Variants in NRXN1 observed in about 807,000 individuals in gnomAD.
NRXN1 encodes neurexin 1, also known as neurexin-1.
A neutral mutation model predicts 150.9 loss-of-function variants in NRXN1; 39 were observed. The ratio of observed to expected loss-of-function variants is 0.26; its 90% confidence interval spans 0.20 to 0.34. The LOEUF is 0.34. Among genes scored for constraint, NRXN1 ranks in the 10% least tolerant of loss-of-function variants. The pLI is 1.00. For synonymous variants in NRXN1, 924 were observed against 757.0 expected (o/e 1.22, Z -3.62); for missense variants, 1,815 against 1,949.9 (o/e 0.93, Z 1.30).
intron 21 of NRXN1, among the ~76,000 whole-genome samples, chr2:49,993,410 T>G (rs1009038093): frequency 7.9e-5 from 12 of 152,180 alleles, no homozygotes; most frequent in African/African-American, 1.4e-4. Context: ...GTTTTATGGA[T>G]AGGATGAATA....
At chr2:50,342,768 G>A (rs763595832) in intron 17 of NRXN1, among the ~76,000 whole-genome samples, 2 of 152,352 alleles carry the variant, frequency 1.3e-5, no homozygotes, top group Non-Finnish European at 2.9e-5. Flanking sequence ...CTTAGTTTAA[G>A]TTTAAGTTTA....
chr2:50,695,801 C>T (rs1692743238), intron 5 of NRXN1, among the ~76,000 whole-genome samples: 1 of 151,004 alleles, frequency 6.6e-6, no homozygotes, highest in African/African-American at 2.4e-5. Flanking sequence ...TACTAATATT[C>T]CAAAGGATTA....
intron 15 of NRXN1, among the ~76,000 whole-genome samples, chr2:50,475,205 T>C (rs925151196): frequency 2.6e-5 from 4 of 152,054 alleles, no homozygotes; most frequent in Admixed American, 6.6e-5. Context: ...TTTTCAGATG[T>C]AGAACTCAGT....
chr2:50,888,563 T>C (rs1216355880), intron 5 of NRXN1, among the ~76,000 whole-genome samples: 1 of 151,564 alleles, frequency 6.6e-6, no homozygotes, highest in South Asian at 2.1e-4. Flanking sequence ...TCCCTCTCTC[T>C]CTCACTCTCT....
intron 17 of NRXN1, among the ~76,000 whole-genome samples, chr2:50,320,283 C>CATATATAT (rs61282635): frequency 0.011 from 480 of 43,000 alleles, 39 homozygotes; most frequent in Middle Eastern, 0.031. Context: ...ATACCTCAAT[C>CATATATAT]ATATATATAT....
rs371258491 is a variant in NRXN1, at chr2:50,434,606, G to A, written c.3364+30836C>T. Among the ~76,000 whole-genome samples the A allele has an allele frequency of 9.9e-5, 15 of 152,254 alleles. No individual in the cohort carries two copies. In the East Asian group the frequency reaches 1.4e-3, roughly 14 times the overall value. ...ACTTGAAAGAAACAGCACGAAATGG[G>A]AAGGTCATCTTTAAGAGTCTATTCT... On this transcript the variant is annotated intron_variant, in intron 17 of 22. Transcript: ENST00000401669.
intron 18 of NRXN1, among the ~76,000 whole-genome samples, chr2:50,194,204 G>T (rs1488320492): frequency 6.6e-6 from 1 of 152,120 alleles, no homozygotes; most frequent in East Asian, 1.9e-4. Flanking sequence ...ATATTCACTT[G>T]AATTTTGTGT....
chr2:50,841,721 A>T (rs936170749), intron 5 of NRXN1, among the ~76,000 whole-genome samples: 9 of 152,200 alleles, frequency 5.9e-5, no homozygotes, highest in Middle Eastern at 3.2e-3. Flanking sequence ...TTGGGAAAAA[A>T]AATTGTAATT....
intron 5 of NRXN1, among the ~76,000 whole-genome samples, chr2:50,807,275 C>T (rs1046677972): frequency 2.0e-5 from 3 of 152,032 alleles, no homozygotes; most frequent in African/African-American, 7.2e-5. Flanking sequence ...TGACCAGGGA[C>T]AAGTTAATGA....
chr2:50,093,993 T>C (rs1272079531), intron 18 of NRXN1, among the ~76,000 whole-genome samples: 1 of 152,234 alleles, frequency 6.6e-6, no homozygotes, highest in Non-Finnish European at 1.5e-5. Context: ...TTTTACTACC[T>C]GTTTTATCTC....
At chr2:50,276,699 A>C (rs1264431103) in intron 17 of NRXN1, among the ~76,000 whole-genome samples, 2 of 152,162 alleles carry the variant, frequency 1.3e-5, no homozygotes, top group South Asian at 2.1e-4. Context: ...ACTTGACAAC[A>C]TTGTAATCTT....
At position 50,540,744 on chromosome 2, in the gene NRXN1, C is replaced by T. The variant is rs1299496967; in HGVS notation, c.1760-2108G>A. On this transcript the variant is annotated intron_variant, in intron 9 of 22. Transcript: ENST00000401669. ...GTGGCAGGATCTTGGCTCACTACAA[C>T]CTCTGCCACCTGCTTTAAGCAACTC... Among the ~76,000 whole-genome samples the T allele has an allele frequency of 2.0e-5, 3 of 152,118 alleles. No homozygotes were observed. The East Asian group carries it at 5.8e-4, about 29-fold the overall frequency.
intron 17 of NRXN1, among the ~76,000 whole-genome samples, chr2:50,357,463 C>T (rs938230012): frequency 2.0e-5 from 3 of 151,928 alleles, no homozygotes; most frequent in Non-Finnish European, 2.9e-5. Context: ...CATGTGCCAC[C>T]ATGCCCGGCT....
intron 1 of NRXN1, among the ~76,000 whole-genome samples, 158 bp downstream of exon 1, chr2:51,031,823 T>C (rs1671611889): frequency 9.0e-6 from 1 of 111,014 alleles, no homozygotes; most frequent in African/African-American, 3.4e-5. Flanking sequence ...AAAGGCTTCA[T>C]GCAAAACAAC....
At chr2:50,295,071 T>C (rs1007142233) in intron 17 of NRXN1, among the ~76,000 whole-genome samples, 1 of 152,208 alleles carries the variant, frequency 6.6e-6, no homozygotes, top group Non-Finnish European at 1.5e-5. Flanking sequence ...AAAGGATGAA[T>C]CATACATATT....
chr2:49,980,422 T>A (rs1025574225), intron 21 of NRXN1, among the ~76,000 whole-genome samples: 1 of 151,956 alleles, frequency 6.6e-6, no homozygotes, highest in African/African-American at 2.4e-5. Context: ...TTTCAATGAA[T>A]AGAAATGGGA....
chr2:50,057,390 T>A (rs1029331490), intron 19 of NRXN1, among the ~76,000 whole-genome samples: 1 of 152,222 alleles, frequency 6.6e-6, no homozygotes, highest in Non-Finnish European at 1.5e-5. Context: ...TACTAATTAA[T>A]GGAATCTTCT....
chr2:50,441,542 G>A (rs532995533), intron 17 of NRXN1, among the ~76,000 whole-genome samples: 136 of 151,682 alleles, frequency 9.0e-4, no homozygotes, highest in African/African-American at 3.2e-3. Flanking sequence ...AGGTGGGAAA[G>A]TTAGAAAACA....
chr2:51,027,978 T>G lies in NRXN1; in HGVS notation c.296A>C (p.Glu99Ala), dbSNP rs755098842. The G allele has an allele frequency of 4.4e-6, 7 of 1,601,650 alleles. No homozygotes were observed. The highest frequency in any genetic ancestry group is 5.9e-6 in the Non-Finnish European group (7 of 1,179,364). ...LQLSFSIFCA[E>A]PATLLADTPV... is the part of the protein sequence containing the mutation. Reference sequence around the variant, plus strand: ...CGTGTCGGCCAGGAGCGTCGCAGGCTCAGCGCAGAAGATGGAGAAGCTGAG... The same window carrying G: ...CGTGTCGGCCAGGAGCGTCGCAGGCGCAGCGCAGAAGATGGAGAAGCTGAG... Residue 99 changes from glutamate to alanine, a missense_variant, in exon 2 of 23, where the codon GAG becomes GCG. This residue lies in a region of NRXN1 where 554 missense variants were observed against 478.8 expected (regional missense o/e 1.16). Transcript: ENST00000401669.
Sources: gnomAD v4.1 joint callset for allele counts (sites outside exome capture counted in the v4.1 genomes callset) on GRCh38, gnomAD v4.1.1 for gene constraint, gnomAD v4.1.1 regional missense constraint, MANE v1.5 for transcripts, NCBI Gene and HGNC (gene_info 2026-07-23, HGNC 2026-07-21) for gene names.